The following TAB2 variants were observed in gnomAD, a reference collection of about 807,000 sequenced individuals.
The protein encoded by TAB2 is TGF-beta-activated kinase 1 and MAP3K7-binding protein 2.
In TAB2, 3 loss-of-function variants were observed where a neutral mutation model predicts 65.0. That is an observed-to-expected ratio of 0.05 (90% confidence interval 0.02 to 0.12). The LOEUF (loss-of-function observed/expected upper bound fraction) is 0.12. Among genes scored for constraint, TAB2 ranks in the 10% least tolerant of loss-of-function variants. The probability of loss-of-function intolerance (pLI) is 1.00; values close to 1 mark genes in which losing one functional copy is unlikely to be tolerated. For missense variants in TAB2, 623 were observed against 840.3 expected (o/e 0.74, Z 3.20); for synonymous variants, 298 against 285.1 (o/e 1.05, Z -0.46).
In TAB2 at chr6:149,381,246, CTG is replaced by C. The variant is rs571022276; in HGVS notation, c.1603+1731_1603+1732del. On this transcript the variant is annotated intron_variant, in intron 3 of 6. Coordinates refer to ENST00000637181, the MANE Select transcript of TAB2 (RefSeq NM_001292034.3). ...GTTAAAACTTTTATTTTCCATATAT[CTG>C]TGATTAACTACAACCATTTTTGTTT... Among the ~76,000 whole-genome samples, 15 of 152,278 alleles carry C rather than the reference CTG, an allele frequency of 9.9e-5. No homozygotes were observed. In the South Asian group the frequency reaches 3.1e-3, roughly 32 times the overall value.
intron 1 of TAB2, among the ~76,000 whole-genome samples, chr6:149,266,133 A>G (rs1778260231): frequency 6.6e-6 from 1 of 152,244 alleles, no homozygotes; most frequent in African/African-American, 2.4e-5. Context: ...AGAAACTATC[A>G]TCTGGTATTC....
chr6:149,409,800 T>C lies in TAB2; in HGVS notation c.*81T>C. ...TGTCATCGGGAAAAAGTTTCACTGC[T>C]ACATAGGATTTTGTCAAATTGAAGG... On this transcript the variant is annotated 3_prime_UTR_variant, in exon 7 of 7. Transcript: ENST00000637181. 1 of 1,526,424 alleles carries C rather than the reference T, an allele frequency of 6.6e-7. No homozygotes were observed. The highest frequency in any genetic ancestry group is 1.4e-5 in the African/African-American group (1 of 73,274). The allele number at this position is 1,526,424 out of a possible 1,614,324, so 94.6% of individuals were successfully genotyped here. A position where few individuals can be genotyped will look rare whatever the true frequency, so the allele number is the denominator to read the frequency against.
In TAB2 at chr6:149,409,883, T is replaced by G. The variant is rs1782790064; in HGVS notation, c.*164T>G. ...GTCAGCCCACAGAGCTAATAATACCTCAGTATAATGTCATGAGCAGTTGAA... is the reference window on the plus strand; with the variant it reads ...GTCAGCCCACAGAGCTAATAATACCGCAGTATAATGTCATGAGCAGTTGAA... On this transcript the variant is annotated 3_prime_UTR_variant, in exon 7 of 7. Transcript: ENST00000637181. 2 of 760,758 alleles carry G rather than the reference T, an allele frequency of 2.6e-6. No homozygotes were observed. Among genetic ancestry groups the G allele is most frequent in the East Asian group, 5.3e-5 (2 of 37,730 alleles). 47.1% of individuals were successfully genotyped at this position (760,758 alleles called of 1,614,324 possible). A position where few individuals can be genotyped will look rare whatever the true frequency, so the allele number is the denominator to read the frequency against.
chr6:149,228,112 A>C (rs1314669309), intron 1 of TAB2, among the ~76,000 whole-genome samples: 1 of 152,148 alleles, frequency 6.6e-6, no homozygotes, highest in Non-Finnish European at 1.5e-5. Context: ...AAGTCAGATA[A>C]AGCAGCTGCA....
Position 149,330,317 on chromosome 6 carries a change from A to C in TAB2, c.-90+12302A>C, listed in dbSNP as rs191987500. 3.6e-4 allele frequency among the ~76,000 whole-genome samples: 55 copies of C among 152,330 alleles called. 1 individual carries two copies. Among genetic ancestry groups the C allele is most frequent in the Admixed American group, 3.1e-3 (48 of 15,298 alleles). ...TTCATCTCTGTAGGATAAATTCCCA[A>C]GAGTGCAGTTGTTGGGTTGCGTGAT... On this transcript the variant is annotated intron_variant, in intron 1 of 6. Coordinates refer to ENST00000637181, the MANE Select transcript of TAB2 (RefSeq NM_001292034.3).
In TAB2 at chr6:149,378,595, G is replaced by T; in HGVS notation, c.680G>T (p.Arg227Leu). 1.2e-6 allele frequency: 2 copies of T among 1,613,532 alleles called. No homozygotes were observed. The highest frequency in any genetic ancestry group is 1.7e-6 in the Non-Finnish European group (2 of 1,180,014). The change falls in exon 3 of 7, where the codon CGA becomes CTA. Residue 227 changes from arginine to leucine, a missense_variant. By Grantham distance (102) the Arg-to-Leu change is moderately radical. This residue lies in a region of TAB2 where 550 missense variants were observed against 665.7 expected (regional missense o/e 0.83). Coordinates refer to ENST00000637181, the MANE Select transcript of TAB2 (RefSeq NM_001292034.3). The part of the protein sequence containing the change: ...PYITTPGGTT[R>L]QTQQHSGWVS... ...ATTACAACTCCTGGTGGTACAACTC[G>T]ACAGACACAACAGCATTCTGGCTGG... is the stretch of plus-strand genomic sequence containing the variant.
chr6:149,320,376 T>C lies in TAB2; in HGVS notation c.-90+2361T>C, dbSNP rs776803492. 2.6e-5 allele frequency among the ~76,000 whole-genome samples: 4 copies of C among 152,242 alleles called. No homozygotes were observed. In the South Asian group the frequency reaches 8.3e-4, roughly 31 times the overall value. ...ATGAGGTTTTTAAACTCCGCAGTTA[T>C]GTAGGCAGATCCCCACTTAGGTCAG... On this transcript the variant is annotated intron_variant, in intron 1 of 6. Coordinates refer to ENST00000637181, the MANE Select transcript of TAB2 (RefSeq NM_001292034.3).
At chr6:149,337,987 T>C (rs1404621420) in intron 1 of TAB2, among the ~76,000 whole-genome samples, 2 of 152,128 alleles carry the variant, frequency 1.3e-5, no homozygotes. Context: ...AAGTTAAGTA[T>C]AGGGTGCCTA....
At chr6:149,377,975 G>A (rs761956936) in intron 2 of TAB2, 43 bp from the exon 3 acceptor site, 167 of 1,494,214 alleles carry the variant, frequency 1.1e-4, no homozygotes, top group Non-Finnish European at 1.4e-4. Context: ...ATAAGCATTC[G>A]CTTCTGATTG....
chr6:149,276,690 T>C (rs1057058801), intron 1 of TAB2, among the ~76,000 whole-genome samples: 4 of 152,184 alleles, frequency 2.6e-5, no homozygotes, highest in African/African-American at 9.7e-5. Context: ...TGTGGAAAAA[T>C]AGGCACCTTC....
chr6:149,328,593 C>G (rs1241636528), intron 1 of TAB2, among the ~76,000 whole-genome samples: 1 of 152,136 alleles, frequency 6.6e-6, no homozygotes, highest in Admixed American at 6.5e-5. Flanking sequence ...CACCCGGCCT[C>G]TACATTCTTT....
At chr6:149,283,800 G>A (rs1778619715) in intron 1 of TAB2, among the ~76,000 whole-genome samples, 1 of 152,114 alleles carries the variant, frequency 6.6e-6, no homozygotes, top group African/African-American at 2.4e-5. Context: ...GAGTTGAATA[G>A]GGCTGGGTAG....
At chr6:149,306,253 A>C (rs2114707610) in intron 1 of TAB2, among the ~76,000 whole-genome samples, 1 of 151,998 alleles carries the variant, frequency 6.6e-6, no homozygotes, top group Admixed American at 6.5e-5. Context: ...TAAAAATACA[A>C]AAATTGGCCG....
chr6:149,334,296 C>G (rs1779870773), intron 1 of TAB2, among the ~76,000 whole-genome samples: 1 of 152,096 alleles, frequency 6.6e-6, no homozygotes, highest in Non-Finnish European at 1.5e-5. Flanking sequence ...TACAGCGTAT[C>G]TCTACAAAAT....
chr6:149,403,366 AC>A (rs1782548908), intron 6 of TAB2, among the ~76,000 whole-genome samples: 1 of 143,504 alleles, frequency 7.0e-6, no homozygotes, highest in Non-Finnish European at 1.5e-5. Flanking sequence ...ACACACACAC[AC>A]ACACACATAC....
rs1424773228 is a variant in TAB2 at position 149,306,780 on chromosome 6, A to G, written c.-120-71238A>G. On this transcript the variant is annotated intron_variant, in intron 1 of 1. Transcript: ENST00000606202. ...AAAGAAAACTTGCTGTGTGCTGGGC[A>G]TCCTGCCCCTGCTGGGTTCAGCAGG... is the stretch of plus-strand genomic sequence containing the variant. Among the ~76,000 whole-genome samples the G allele has an allele frequency of 2.6e-5, 4 of 152,152 alleles. No individual in the cohort carries two copies. In the East Asian group the frequency reaches 7.7e-4, roughly 29 times the overall value.
intron 5 of TAB2, among the ~76,000 whole-genome samples, chr6:149,398,370 C>A (rs1782247058): frequency 6.6e-6 from 1 of 152,118 alleles, no homozygotes; most frequent in Admixed American, 6.5e-5. Flanking sequence ...CAATTTAATT[C>A]AGTTCCATAG....
At chr6:149,291,861 TA>T (rs1362295491) in intron 1 of TAB2, among the ~76,000 whole-genome samples, 2 of 151,968 alleles carry the variant, frequency 1.3e-5, no homozygotes, top group Admixed American at 6.6e-5. Context: ...ACCCTGTCTC[TA>T]AAAAAACAAA....
chr6:149,351,637 C>A (rs1780494879), intron 1 of TAB2, among the ~76,000 whole-genome samples: 1 of 152,178 alleles, frequency 6.6e-6, no homozygotes, highest in Non-Finnish European at 1.5e-5. Flanking sequence ...TCTATCATCA[C>A]CATTTTATAG....
Sources: allele counts gnomAD v4.1 joint callset (sites outside exome capture counted in the v4.1 genomes callset), GRCh38; gene constraint gnomAD v4.1.1; regional missense constraint gnomAD v4.1.1; transcripts MANE v1.5; gene names NCBI Gene and HGNC (gene_info 2026-07-23, HGNC 2026-07-21).